Variants in CRIM1 observed in about 807,000 individuals in gnomAD.
The protein encoded by CRIM1 is cysteine rich transmembrane BMP regulator 1.
In CRIM1, 32 loss-of-function variants were observed where a neutral mutation model predicts 116.4. The observed-to-expected ratio is 0.27, with a 90% CI of 0.21 to 0.37. The LOEUF (loss-of-function observed/expected upper bound fraction) is 0.37, where lower values mean the gene tolerates loss of function less well. Among genes scored for constraint, CRIM1 ranks in the 10% least tolerant of loss-of-function variants. The pLI, the probability that CRIM1 is intolerant of heterozygous loss-of-function variation, is 1.00. For missense variants in CRIM1, 1,331 were observed against 1,354.8 expected (o/e 0.98, Z 0.28); for synonymous variants, 590 against 509.2 (o/e 1.16, Z -2.13).
At chr2:36,537,721 T>C (rs1183998312) in intron 14 of CRIM1, among the ~76,000 whole-genome samples, 175 bp downstream of exon 14, 1 of 152,216 alleles carries the variant, frequency 6.6e-6, no homozygotes, top group East Asian at 1.9e-4. Flanking sequence ...ACTATGACCA[T>C]CCCGATGAGG....
At chr2:36,407,064 T>C (rs1013028366) in intron 2 of CRIM1, among the ~76,000 whole-genome samples, 1 of 152,058 alleles carries the variant, frequency 6.6e-6, no homozygotes, top group African/African-American at 2.4e-5. Context: ...ATCATCAAGG[T>C]CCCAGCTGAT....
chr2:36,444,213 A>G (rs1363765147), intron 4 of CRIM1, among the ~76,000 whole-genome samples: 1 of 152,220 alleles, frequency 6.6e-6, no homozygotes, highest in Non-Finnish European at 1.5e-5. Context: ...ACATAGAGCC[A>G]TCTGCACATA....
chr2:36,442,128 T>TATCCC (rs1428546662), intron 3 of CRIM1, among the ~76,000 whole-genome samples: 1 of 152,362 alleles, frequency 6.6e-6, no homozygotes, highest in East Asian at 1.9e-4. Context: ...ATCCTTGCTC[T>TATCCC]TGTGGCAGCA....
chr2:36,496,475 G>C (rs931238242), intron 7 of CRIM1, among the ~76,000 whole-genome samples: 1 of 152,152 alleles, frequency 6.6e-6, no homozygotes, highest in African/African-American at 2.4e-5. Context: ...AAGTGAATGG[G>C]AAAATACTAA....
intron 1 of CRIM1, among the ~76,000 whole-genome samples, chr2:36,359,765 C>A (rs1257810682): frequency 6.6e-6 from 1 of 152,038 alleles, no homozygotes; most frequent in African/African-American, 2.4e-5. Context: ...GTGGTAAGTG[C>A]ATTTGAAAAA....
rs1422976021 is a variant in CRIM1, at chr2:36,386,300, GTTA to G, written c.332-10308_332-10306del. ...GGGAGATTAAAAGTTTATTATTTAA[GTTA>G]TTATTTATTTATCTAACATGGTTGA... On this transcript the variant is annotated intron_variant, in intron 1 of 16. Transcript: ENST00000280527. Among the ~76,000 whole-genome samples the G allele has an allele frequency of 6.6e-5, 10 of 152,258 alleles. No individual in the cohort carries two copies. The South Asian group carries it at 1.0e-3, about 16-fold the overall frequency.
intron 1 of CRIM1, among the ~76,000 whole-genome samples, chr2:36,392,195 A>G (rs1362396385): frequency 6.6e-6 from 1 of 152,222 alleles, no homozygotes; most frequent in Non-Finnish European, 1.5e-5. Flanking sequence ...GTAGTACTCA[A>G]TATTGGACAT....
chr2:36,446,437 C>T (rs1175398398), intron 4 of CRIM1, among the ~76,000 whole-genome samples: 6 of 152,258 alleles, frequency 3.9e-5, no homozygotes, highest in African/African-American at 1.4e-4. Context: ...CTTTCCACTT[C>T]TATCCCTCAC....
At chr2:36,463,369 G>A (rs1361574907) in intron 4 of CRIM1, among the ~76,000 whole-genome samples, 1 of 152,164 alleles carries the variant, frequency 6.6e-6, no homozygotes, top group Non-Finnish European at 1.5e-5. Flanking sequence ...GGGGACAAAA[G>A]CACAATTAAT....
At position 36,512,370 on chromosome 2, in the gene CRIM1, G is replaced by A. The variant is rs755928305; in HGVS notation, c.1756G>A (p.Gly586Ser). 68 of 1,613,246 alleles carry A rather than the reference G, an allele frequency of 4.2e-5. No homozygotes were observed. The highest frequency in any genetic ancestry group is 8.0e-5 in the African/African-American group (6 of 74,920). ...CPLGFQQDSH[G>S]CLICKCREAS... ...CTTGGGTTTCCAGCAGGACAGTCACGGCTGTCTTATCTGCAAGTGCAGAGG... is the reference window on the plus strand; with the variant it reads ...CTTGGGTTTCCAGCAGGACAGTCACAGCTGTCTTATCTGCAAGTGCAGAGG... Residue 586 changes from glycine (G) to serine (S), a missense_variant, in exon 10 of 17, where the codon GGC becomes AGC. Gly to Ser is a moderately conservative substitution (Grantham distance 56). Around this residue, in one of 3 missense-constraint regions of CRIM1, gnomAD observed 358 missense variants for 436.1 expected, o/e 0.82. Coordinates refer to ENST00000280527, the MANE Select transcript of CRIM1 (RefSeq NM_016441.3).
intron 13 of CRIM1, among the ~76,000 whole-genome samples, chr2:36,524,631 G>A (rs1665632635): frequency 6.6e-6 from 1 of 152,042 alleles, no homozygotes; most frequent in Non-Finnish European, 1.5e-5. Context: ...TTCTCAGATT[G>A]TTTTGTGTAA....
At chr2:36,395,594 C>G (rs186799593) in intron 1 of CRIM1, among the ~76,000 whole-genome samples, 1 of 152,292 alleles carries the variant, frequency 6.6e-6, no homozygotes, top group Non-Finnish European at 1.5e-5. Flanking sequence ...ATATTCATTG[C>G]ATTTTTTGGA....
intron 1 of CRIM1, among the ~76,000 whole-genome samples, chr2:36,361,793 G>T (rs1669240403): frequency 1.3e-5 from 2 of 152,158 alleles, no homozygotes; most frequent in South Asian, 4.1e-4. Context: ...AGTGAAGCGG[G>T]TTCCTGTAAC....
At chr2:36,470,946 G>A (rs915978374) in intron 5 of CRIM1, among the ~76,000 whole-genome samples, 1 of 152,146 alleles carries the variant, frequency 6.6e-6, no homozygotes, top group African/African-American at 2.4e-5. Context: ...TATTAACATG[G>A]AGTTTGGAAG....
chr2:36,504,332 A>G (rs1681232915), intron 8 of CRIM1, among the ~76,000 whole-genome samples: 1 of 152,196 alleles, frequency 6.6e-6, no homozygotes, highest in Non-Finnish European at 1.5e-5. Context: ...CCCTTGACTC[A>G]CATTGGTAAT....
intron 5 of CRIM1, among the ~76,000 whole-genome samples, chr2:36,468,437 T>C (rs1185319749): frequency 6.6e-6 from 1 of 152,214 alleles, no homozygotes; most frequent in African/African-American, 2.4e-5. Flanking sequence ...GACCAGTTCA[T>C]GACAGTTTGT....
Position 36,479,685 on chromosome 2 carries a change from G to A in CRIM1, c.1363G>A (p.Val455Met), listed in dbSNP as rs1679257452. 2 of 1,614,106 alleles carry A rather than the reference G, an allele frequency of 1.2e-6. No homozygotes were observed. The highest frequency in any genetic ancestry group is 1.7e-6 in the Non-Finnish European group (2 of 1,179,926). Residue 455 changes from valine to methionine, a missense_variant, in exon 7 of 17, where the codon GTG (valine) becomes ATG (methionine). By Grantham distance (21) the Val-to-Met change is conservative (BLOSUM62 1). Around this residue, in one of 3 missense-constraint regions of CRIM1, gnomAD observed 690 missense variants for 676.0 expected, o/e 1.02. Transcript: ENST00000280527. ...GAAAGTGCCTGGGGAGTGTTGCCCT[G>A]TGTGCGAAGGTAAATCTTGCAGATG... ...PVKVPGECCPVCEEPTIITVD... is the reference protein window; with the variant it reads ...PVKVPGECCPMCEEPTIITVD...
intron 1 of CRIM1, among the ~76,000 whole-genome samples, chr2:36,379,995 T>C (rs1393716530): frequency 6.6e-6 from 1 of 152,012 alleles, no homozygotes; most frequent in East Asian, 1.9e-4. Flanking sequence ...GGATATTTTC[T>C]CCATGGACTG....
intron 16 of CRIM1, among the ~76,000 whole-genome samples, chr2:36,548,152 C>G (rs1558427999): frequency 6.6e-6 from 1 of 152,160 alleles, no homozygotes; most frequent in Non-Finnish European, 1.5e-5. Flanking sequence ...GTTGTACAGT[C>G]TGAGTGGTTA....
Sources: allele counts gnomAD v4.1 joint callset (sites outside exome capture counted in the v4.1 genomes callset), GRCh38; gene constraint gnomAD v4.1.1; regional missense constraint gnomAD v4.1.1; transcripts MANE v1.5; gene names NCBI Gene and HGNC (gene_info 2026-07-23, HGNC 2026-07-21).